Variants in CENPC observed in about 807,000 individuals in gnomAD.
The protein encoded by CENPC is CENP-C 1.
CENPC carries 63 observed loss-of-function variants against 112.1 expected under a neutral mutation model. That is an observed-to-expected ratio of 0.56 (90% CI 0.46 to 0.69). The LOEUF (loss-of-function observed/expected upper bound fraction) is 0.69, where lower values mean the gene tolerates loss of function less well. Ranked by LOEUF, CENPC falls within the 30% of genes least tolerant of loss-of-function variation. The pLI, the probability that CENPC is intolerant of heterozygous loss-of-function variation, is 0.00. For synonymous variants in CENPC, 333 were observed against 367.6 expected (o/e 0.91, Z 1.08); for missense variants, 1,000 against 1,103.8 (o/e 0.91, Z 1.33).
intron 12 of CENPC, among the ~76,000 whole-genome samples, chr4:67,496,741 G>A (rs1429480917): frequency 6.6e-6 from 1 of 152,112 alleles, no homozygotes; most frequent in Non-Finnish European, 1.5e-5. Context: ...GCTACTAAAG[G>A]GTAAAGGGGT....
At chr4:67,483,208 G>C (rs112397682) in intron 17 of CENPC, among the ~76,000 whole-genome samples, 1 of 151,970 alleles carries the variant, frequency 6.6e-6, no homozygotes, top group African/African-American at 2.4e-5. Flanking sequence ...TTCTTTATAG[G>C]AGTATGAGAA....
chr4:67,511,730 A>G (rs1725897426), intron 9 of CENPC, among the ~76,000 whole-genome samples: 1 of 152,172 alleles, frequency 6.6e-6, no homozygotes, highest in African/African-American at 2.4e-5. Flanking sequence ...GATCTTGGGC[A>G]CTAAGTCTCT....
intron 17 of CENPC, among the ~76,000 whole-genome samples, chr4:67,482,620 C>G (rs1264860343): frequency 1.3e-5 from 2 of 152,100 alleles, no homozygotes; most frequent in African/African-American, 4.8e-5. Flanking sequence ...AGTTGGAGAC[C>G]ATCATTCTAA....
chr4:67,492,059 G>T, intron 16 of CENPC, 121 bp downstream of exon 16: 1 of 636,248 alleles, frequency 1.6e-6, no homozygotes, highest in Non-Finnish European at 2.7e-6. Context: ...AGACTCTTCT[G>T]GACTTTAGCA....
chr4:67,540,908 TATTA>T (rs3836713), intron 3 of CENPC, 68 bp downstream of exon 3: 238,598 of 1,046,454 alleles, frequency 0.23, 27,722 homozygotes, highest in South Asian at 0.28. Flanking sequence ...CTGCATTTGA[TATTA>T]ATTACCATGA....
intron 11 of CENPC, 138 bp from the exon 12 acceptor site, chr4:67,505,422 A>G (rs1036168710): frequency 6.5e-6 from 4 of 618,964 alleles, no homozygotes; most frequent in Non-Finnish European, 1.1e-5. Context: ...CAAGTCATCA[A>G]AAATATATAG....
chr4:67,531,210 A>G (rs1726538888), intron 4 of CENPC, among the ~76,000 whole-genome samples: 1 of 152,174 alleles, frequency 6.6e-6, no homozygotes, highest in African/African-American at 2.4e-5. Context: ...AAATTATAGT[A>G]TAGATATACC....
intron 17 of CENPC, among the ~76,000 whole-genome samples, chr4:67,481,587 GAAGTA>G (rs1724959212): frequency 6.6e-6 from 1 of 152,054 alleles, no homozygotes; most frequent in Non-Finnish European, 1.5e-5. Flanking sequence ...ATAGAGCCTA[GAAGTA>G]AAGCCAAATA....
chr4:67,544,819 T>C (rs953960471), intron 1 of CENPC, among the ~76,000 whole-genome samples: 3 of 152,212 alleles, frequency 2.0e-5, no homozygotes, highest in Non-Finnish European at 2.9e-5. Flanking sequence ...GCCACCATTT[T>C]GACAGAAGAA....
At chr4:67,519,663 A>C (rs1408221698) in intron 5 of CENPC, among the ~76,000 whole-genome samples, 161 bp from the exon 6 acceptor site, 2 of 152,174 alleles carry the variant, frequency 1.3e-5, no homozygotes, top group African/African-American at 4.8e-5. Context: ...ATAAGTAAGT[A>C]CTTAAGATTC....
Position 67,545,396 on chromosome 4 carries a change from A to G in CENPC, c.-41T>C. 1 of 1,492,824 alleles carries G rather than the reference A, an allele frequency of 6.7e-7. No individual in the cohort carries two copies. The highest frequency in any genetic ancestry group is 9.0e-7 in the Non-Finnish European group (1 of 1,116,908). The allele number at this position is 1,492,824 out of a possible 1,614,324, so 92.5% of individuals were successfully genotyped here. A position where few individuals can be genotyped will look rare whatever the true frequency, so the allele number is the denominator to read the frequency against. On this transcript the variant is annotated 5_prime_UTR_variant, in exon 1 of 19. Transcript: ENST00000273853. The stretch of plus-strand genomic sequence containing the variant: ...AGCCAGCGCAACTGTCTGAGGTGGA[A>G]GCCCACACGGACCACAGCTCCAGGA...
At chr4:67,545,274 C>A in intron 1 of CENPC, 64 bp downstream of exon 1, 1 of 1,437,238 alleles carries the variant, frequency 7.0e-7, no homozygotes, top group Non-Finnish European at 9.2e-7. Context: ...TCTCCCCAGC[C>A]TCGGGCGCCC....
chr4:67,482,405 C>T (rs540749421), intron 17 of CENPC, among the ~76,000 whole-genome samples: 1 of 152,288 alleles, frequency 6.6e-6, no homozygotes, highest in Admixed American at 6.5e-5. Context: ...TGGGTACCTA[C>T]TCAGAAGAAA....
chr4:67,515,479 A>G (rs1429961316), intron 7 of CENPC, among the ~76,000 whole-genome samples: 2 of 151,904 alleles, frequency 1.3e-5, no homozygotes, highest in Middle Eastern at 3.4e-3. Flanking sequence ...CAGAAAAAAA[A>G]AAAGAGAGAG....
chr4:67,502,700 T>C (rs1369032322), intron 12 of CENPC, among the ~76,000 whole-genome samples: 1 of 152,146 alleles, frequency 6.6e-6, no homozygotes, highest in Non-Finnish European at 1.5e-5. Flanking sequence ...TATGTCCAAA[T>C]CTAACATCCT....
At position 67,519,164 on chromosome 4, in the gene CENPC, T is replaced by C. The variant is rs997285604; in HGVS notation, c.617+53A>G. The C allele has an allele frequency of 7.5e-6, 10 of 1,341,186 alleles. No homozygotes were observed. The African/African-American group carries it at 1.2e-4, about 16-fold the overall frequency. 83.1% of individuals were successfully genotyped at this position (1,341,186 alleles called of 1,614,324 possible). Reference sequence around the variant, plus strand: ...ACAAGATTGAATTACCATTTTTTAATACAAAAAGTAAAATTTTTAAAGTGC... The same window carrying C: ...ACAAGATTGAATTACCATTTTTTAACACAAAAAGTAAAATTTTTAAAGTGC... On this transcript the variant is annotated intron_variant, in intron 6 of 18. Transcript: ENST00000273853.
intron 4 of CENPC, among the ~76,000 whole-genome samples, chr4:67,533,159 G>A (rs1428804445): frequency 6.6e-6 from 1 of 152,180 alleles, no homozygotes; most frequent in Non-Finnish European, 1.5e-5. Flanking sequence ...AAGGCGCCCA[G>A]GGGGAGACAA....
At chr4:67,491,875 C>A (rs1725292399) in intron 16 of CENPC, among the ~76,000 whole-genome samples, 1 of 152,170 alleles carries the variant, frequency 6.6e-6, no homozygotes, top group Non-Finnish European at 1.5e-5. Context: ...AGCCTCTGTT[C>A]CCATGTGTCC....
At chr4:67,475,096 C>T (rs531426121) in intron 17 of CENPC, 118 bp from the exon 18 acceptor site, 1 of 630,804 alleles carries the variant, frequency 1.6e-6, no homozygotes, top group South Asian at 2.0e-5. Context: ...CTTTAATCTC[C>T]AGAACTTGTA....
Sources: gnomAD v4.1 joint callset for allele counts (sites outside exome capture counted in the v4.1 genomes callset) on GRCh38, gnomAD v4.1.1 for gene constraint, MANE v1.5 for transcripts, NCBI Gene and HGNC (gene_info 2026-07-23, HGNC 2026-07-21) for gene names.